PARVB: variants seen among roughly 807,000 people sequenced by gnomAD.
PARVB encodes the protein parvin beta.
A neutral mutation model predicts 47.0 loss-of-function variants in PARVB; 46 were observed. The ratio of observed to expected loss-of-function variants is 0.98; its 90% CI spans 0.77 to 1.25. The LOEUF (loss-of-function observed/expected upper bound fraction) is 1.25. PARVB is among the 50% of genes most tolerant of loss of function. The pLI is 0.00. For synonymous variants in PARVB, 196 were observed against 196.3 expected (o/e 1.00, Z 0.01); for missense variants, 473 against 471.6 (o/e 1.00, Z -0.03).
intron 1 of PARVB, among the ~76,000 whole-genome samples, chr22:44,047,593 G>A (rs914272049): frequency 6.6e-5 from 10 of 152,082 alleles, no homozygotes; most frequent in African/African-American, 2.2e-4. Context: ...CCCAGGAGGC[G>A]GAGTTTGCAG....
chr22:44,126,177 G>A (rs552229085), intron 4 of PARVB, among the ~76,000 whole-genome samples: 1 of 152,150 alleles, frequency 6.6e-6, no homozygotes, highest in African/African-American at 2.4e-5. Context: ...GGGACTGCAC[G>A]GCTTCACCCA....
chr22:44,057,551 G>A (rs892740549), intron 1 of PARVB, among the ~76,000 whole-genome samples: 1 of 151,918 alleles, frequency 6.6e-6, no homozygotes, highest in Non-Finnish European at 1.5e-5. Flanking sequence ...GAGTTTATCC[G>A]CACTCTGGGT....
intron 1 of PARVB, among the ~76,000 whole-genome samples, chr22:44,047,119 G>T (rs140385317): frequency 6.6e-6 from 1 of 152,142 alleles, no homozygotes; most frequent in South Asian, 2.1e-4. Flanking sequence ...AGTCTATTTC[G>T]TGTTGCTATA....
intron 1 of PARVB, among the ~76,000 whole-genome samples, chr22:44,088,617 G>A (rs949573402): frequency 2.0e-5 from 3 of 152,054 alleles, no homozygotes; most frequent in East Asian, 1.9e-4. Flanking sequence ...GATTGCAGGC[G>A]CCCACTGCCA....
intron 1 of PARVB, among the ~76,000 whole-genome samples, chr22:44,052,078 C>T (rs980992651): frequency 2.0e-5 from 3 of 152,190 alleles, no homozygotes; most frequent in Admixed American, 6.5e-5. Context: ...AGAGAATCGA[C>T]GTCTGTTGTT....
chr22:44,003,730 C>T (rs1436801533), intron 2 of PARVB, among the ~76,000 whole-genome samples: 3 of 152,190 alleles, frequency 2.0e-5, no homozygotes, highest in Admixed American at 6.5e-5. Context: ...TTTGGATTCT[C>T]ACTTCCTTTG....
At chr22:44,001,953 T>G (rs1253506788) in intron 2 of PARVB, among the ~76,000 whole-genome samples, 2 of 152,210 alleles carry the variant, frequency 1.3e-5, no homozygotes, top group African/African-American at 2.4e-5. Context: ...AGCGCTGAGA[T>G]GTAATGACAG....
intron 3 of PARVB, chr22:44,112,845 T>A (rs1250862464): frequency 1.7e-5 from 2 of 121,156 alleles, no homozygotes; most frequent in Admixed American, 8.0e-5. Context: ...GATACGTTGT[T>A]ACTAAGTAAG....
chr22:44,141,898 A>G (rs1385803851), intron 8 of PARVB: 1 of 152,222 alleles, frequency 6.6e-6, no homozygotes, highest in East Asian at 1.9e-4. Context: ...AACATCCTGT[A>G]TATAGTTGCT....
At chr22:44,134,533 T>C (rs2053401158) in intron 6 of PARVB, among the ~76,000 whole-genome samples, 1 of 152,210 alleles carries the variant, frequency 6.6e-6, no homozygotes, top group Non-Finnish European at 1.5e-5. Flanking sequence ...CACTTGCTGG[T>C]GCTTCCTGCC....
chr22:44,063,293 C>A (rs1218566950), intron 1 of PARVB, among the ~76,000 whole-genome samples: 1 of 150,456 alleles, frequency 6.6e-6, no homozygotes, highest in Non-Finnish European at 1.5e-5. Context: ...GTGGTGTGAT[C>A]TCAGCTTACT....
chr22:44,031,245 T>TTTGAGGCTATGTGTGTTAAAGTTTG (rs2050821701), intron 1 of PARVB: 1 of 152,208 alleles, frequency 6.6e-6, no homozygotes, highest in Non-Finnish European at 1.5e-5. Flanking sequence ...TGGAACTCCC[T>TTTGAGGCTATGTGTGTTAAAGTTTG]GGAGACCATT....
At chr22:44,079,062 G>T (rs541510935) in intron 1 of PARVB, among the ~76,000 whole-genome samples, 1 of 152,300 alleles carries the variant, frequency 6.6e-6, no homozygotes, top group South Asian at 2.1e-4. Context: ...GCAGTAGAGA[G>T]AATGGTAGAG....
chr22:44,114,843 C>T (rs1226026333), intron 3 of PARVB: 1 of 137,388 alleles, frequency 7.3e-6, no homozygotes, highest in Non-Finnish European at 1.5e-5. Context: ...GGCCCTGTAC[C>T]AACACAGATA....
At chr22:44,040,159 T>C (rs2050992929) in intron 1 of PARVB, among the ~76,000 whole-genome samples, 1 of 152,206 alleles carries the variant, frequency 6.6e-6, no homozygotes. Flanking sequence ...ACTCTGCATG[T>C]GTACTTTAAA....
chr22:44,002,652 G>T (rs2050424610), intron 2 of PARVB, among the ~76,000 whole-genome samples: 1 of 152,204 alleles, frequency 6.6e-6, no homozygotes, highest in Non-Finnish European at 1.5e-5. Context: ...ACACTGTAAA[G>T]AGCAAGGACT....
rs2053318272 is a variant in PARVB at position 44,131,512 on chromosome 22, T to A, written c.402T>A (p.Asn134Lys). The change falls in exon 5 of 13, where the codon AAT (asparagine) becomes AAA (lysine). Residue 134 changes from asparagine (N) to lysine (K), a missense_variant. Physicochemically the swap from Asn to Lys is moderately conservative, Grantham distance 94 (BLOSUM62 0). Coordinates refer to ENST00000338758, the MANE Select transcript of PARVB (RefSeq NM_013327.5). ...AAAAACTGGCAGGGTGCAAGCTGAA[T>A]GTGGCTGAGGTGACACAGTCCGAAA... ...LLEKLAGCKLNVAEVTQSEIG... is the reference protein window; with the variant it reads ...LLEKLAGCKLKVAEVTQSEIG... 2 of 1,614,104 alleles carry A rather than the reference T, an allele frequency of 1.2e-6. No individual in the cohort carries two copies. The highest frequency in any genetic ancestry group is 1.7e-5 in the Admixed American group (1 of 60,012).
At chr22:44,032,544 T>G (rs1315661135) in intron 1 of PARVB, among the ~76,000 whole-genome samples, 1 of 152,186 alleles carries the variant, frequency 6.6e-6, no homozygotes, top group Non-Finnish European at 1.5e-5. Context: ...CTCCTTGCAC[T>G]GGATCTGTTG....
chr22:44,052,439 C>G (rs958736105), intron 1 of PARVB, among the ~76,000 whole-genome samples: 2 of 152,228 alleles, frequency 1.3e-5, no homozygotes, highest in African/African-American at 4.8e-5. Flanking sequence ...CCAGTGCTAA[C>G]TTCCCACCCC....
Sources: allele counts gnomAD v4.1 joint callset (sites outside exome capture counted in the v4.1 genomes callset), GRCh38; gene constraint gnomAD v4.1.1; transcripts MANE v1.5; gene names NCBI Gene and HGNC (gene_info 2026-07-23, HGNC 2026-07-21).